The following IMPG1 variants were observed in gnomAD, a reference collection of about 807,000 sequenced individuals.
IMPG1 encodes interphotoreceptor matrix proteoglycan 1.
In IMPG1, 85 loss-of-function variants were observed where a neutral mutation model predicts 92.0. That is an observed-to-expected ratio of 0.92 (90% CI 0.78 to 1.11). IMPG1 has a LOEUF of 1.11. Among genes scored for constraint, IMPG1 ranks in the 50% least tolerant of loss-of-function variants. IMPG1 has a pLI of 0.00. For synonymous variants in IMPG1, 367 were observed against 334.1 expected, an observed-to-expected ratio of 1.10 and a Z score of -1.08; for missense variants, 1,022 against 956.0, an observed-to-expected ratio of 1.07 and a Z score of -0.91.
chr6:75,922,956 T>G (rs1781453992), intron 16 of IMPG1, among the ~76,000 whole-genome samples: 1 of 152,090 alleles, frequency 6.6e-6, no homozygotes, highest in Non-Finnish European at 1.5e-5. Flanking sequence ...ATTGGCTGAT[T>G]ATCACCAATT....
Position 75,947,524 on chromosome 6 carries a change from A to G in IMPG1, c.1834T>C (p.Tyr612His). 1 of 1,612,612 alleles carries G rather than the reference A, an allele frequency of 6.2e-7. No homozygotes were observed. Among genetic ancestry groups the G allele is most frequent in the Non-Finnish European group, 8.5e-7 (1 of 1,178,950 alleles). The change falls in exon 14 of 17, where the codon TAT becomes CAT. Residue 612 changes from tyrosine (Y) to histidine (H), a missense_variant. By Grantham distance (83) the Tyr-to-His change is moderately conservative. Around this residue, in one of 3 missense-constraint regions of IMPG1, gnomAD observed 332 missense variants for 346.2 expected, o/e 0.96. Transcript: ENST00000369950. ...AATCCTGTAAGATTGGATCGTAGAT[A>G]TGGAACCAGCTGCAAAATAAAAGAT... ...EQQFTQLLVP[Y>H]LRSNLTGFKQ...
At chr6:76,051,307 T>C (rs1784039305) in intron 1 of IMPG1, among the ~76,000 whole-genome samples, 1 of 152,228 alleles carries the variant, frequency 6.6e-6, no homozygotes. Flanking sequence ...CAAATCGTGC[T>C]TAACATACCT....
chr6:75,943,976 C>T (rs1781878515), intron 14 of IMPG1, among the ~76,000 whole-genome samples: 1 of 152,212 alleles, frequency 6.6e-6, no homozygotes, highest in African/African-American at 2.4e-5. Context: ...CCCTTTTCTA[C>T]TACAGTGCAA....
intron 14 of IMPG1, among the ~76,000 whole-genome samples, chr6:75,934,094 C>T (rs572695509): frequency 1.3e-5 from 2 of 152,276 alleles, no homozygotes; most frequent in South Asian, 4.2e-4. Flanking sequence ...AGAGCCCCCC[C>T]ACCCCACCAC....
intron 1 of IMPG1, among the ~76,000 whole-genome samples, chr6:76,045,680 A>G (rs562994858): frequency 6.6e-6 from 1 of 152,174 alleles, no homozygotes; most frequent in Non-Finnish European, 1.5e-5. Context: ...TGTTTGTTAC[A>G]GATTTCAGTG....
chr6:76,026,678 G>C (rs889345946), intron 4 of IMPG1, among the ~76,000 whole-genome samples: 37 of 152,214 alleles, frequency 2.4e-4, no homozygotes, highest in Non-Finnish European at 7.3e-5. Flanking sequence ...TTGCATAAGA[G>C]TAAGAGGTTC....
chr6:76,044,106 T>A (rs1783891651), intron 1 of IMPG1, among the ~76,000 whole-genome samples: 1 of 152,170 alleles, frequency 6.6e-6, no homozygotes, highest in African/African-American at 2.4e-5. Context: ...TGAGTCAAAA[T>A]GGCTGCATGG....
intron 1 of IMPG1, among the ~76,000 whole-genome samples, chr6:76,047,593 T>C (rs1426053452): frequency 6.6e-6 from 1 of 152,240 alleles, no homozygotes; most frequent in Admixed American, 6.5e-5. Flanking sequence ...GGGATCTGTA[T>C]TGTAATCTTG....
intron 12 of IMPG1, among the ~76,000 whole-genome samples, chr6:75,993,871 C>T (rs1449620331): frequency 6.6e-6 from 1 of 152,144 alleles, no homozygotes; most frequent in African/African-American, 2.4e-5. Context: ...CAGAGAATAG[C>T]GCTCAATAGG....
intron 12 of IMPG1, among the ~76,000 whole-genome samples, chr6:75,987,972 T>G (rs9341549): frequency 0.41 from 61,869 of 152,028 alleles, 13,014 homozygotes; most frequent in East Asian, 0.57. Context: ...TATGGCTGCA[T>G]AGTATTCCAT....
At chr6:75,997,870 T>C (rs1308019820) in intron 12 of IMPG1, among the ~76,000 whole-genome samples, 1 of 152,146 alleles carries the variant, frequency 6.6e-6, no homozygotes, top group African/African-American at 2.4e-5. Context: ...TGAATTGAAA[T>C]GTTTGATGGC....
rs1783415619 is a variant in IMPG1 at position 76,021,095 on chromosome 6, T to C, written c.666+1021A>G. ...AATAGGGAACACTTGTCATCTATTG[T>C]CTCTAAGGGCAGCCACTATGAAACT... On this transcript the variant is annotated intron_variant, in intron 6 of 16. Transcript: ENST00000369950. Among the ~76,000 whole-genome samples, 2 of 152,162 alleles carry C rather than the reference T, an allele frequency of 1.3e-5. 1 individual carries two copies. Among genetic ancestry groups the C allele is most frequent in the South Asian group, 4.1e-4 (2 of 4,830 alleles).
intron 14 of IMPG1, among the ~76,000 whole-genome samples, chr6:75,944,006 G>A (rs566719291): frequency 6.6e-6 from 1 of 152,344 alleles, no homozygotes; most frequent in Admixed American, 6.5e-5. Context: ...GGCAGGGATG[G>A]ATTTTCATGC....
At chr6:76,055,696 A>G (rs1170294311) in intron 1 of IMPG1, among the ~76,000 whole-genome samples, 1 of 152,070 alleles carries the variant, frequency 6.6e-6, no homozygotes, top group African/African-American at 2.4e-5. Context: ...ATTAACTAAT[A>G]TCAGAATTGA....
intron 4 of IMPG1, among the ~76,000 whole-genome samples, chr6:76,031,640 C>T (rs1341134573): frequency 1.3e-5 from 2 of 152,130 alleles, no homozygotes; most frequent in East Asian, 1.9e-4. Context: ...TAACAACTCT[C>T]GTTATATCAA....
At chr6:76,010,976 C>T (rs1015822771) in intron 8 of IMPG1, among the ~76,000 whole-genome samples, 190 bp downstream of exon 8, 5 of 152,292 alleles carry the variant, frequency 3.3e-5, no homozygotes, top group Admixed American at 6.5e-5. Flanking sequence ...CCTGTGTTAC[C>T]CCTTAAGAAT....
At chr6:76,035,866 G>A (rs138655472) in intron 2 of IMPG1, among the ~76,000 whole-genome samples, 64 of 152,320 alleles carry the variant, frequency 4.2e-4, no homozygotes, top group Middle Eastern at 3.4e-3. Context: ...AGTGAACTGA[G>A]TTGAGGGACA....
chr6:75,928,727 C>G (rs1467452584), intron 15 of IMPG1: 1 of 152,184 alleles, frequency 6.6e-6, no homozygotes, highest in Admixed American at 6.5e-5. Context: ...AGTTGTGTAT[C>G]TATTCCACAT....
intron 1 of IMPG1, among the ~76,000 whole-genome samples, chr6:76,057,436 T>A (rs1277164113): frequency 6.6e-6 from 1 of 152,110 alleles, no homozygotes; most frequent in Non-Finnish European, 1.5e-5. Flanking sequence ...CAAATCTGCT[T>A]GTGAGGTGTG....
Sources: gnomAD v4.1 joint callset for allele counts (sites outside exome capture counted in the v4.1 genomes callset) on GRCh38, gnomAD v4.1.1 for gene constraint, gnomAD v4.1.1 regional missense constraint, MANE v1.5 for transcripts, NCBI Gene and HGNC (gene_info 2026-07-23, HGNC 2026-07-21) for gene names.